Variants in HSPG2 observed in about 807,000 individuals in gnomAD.
HSPG2 encodes the protein basement membrane-specific heparan sulfate proteoglycan core protein.
In HSPG2, 278 loss-of-function variants were observed where a neutral mutation model predicts 526.6. The observed-to-expected ratio is 0.53, with a 90% CI of 0.48 to 0.58. The LOEUF (loss-of-function observed/expected upper bound fraction) is 0.58, where lower values mean the gene tolerates loss of function less well. Among genes scored for constraint, HSPG2 ranks in the 20% least tolerant of loss-of-function variants. The pLI is 0.00. For missense variants in HSPG2, 5,354 were observed against 6,099.5 expected, an observed-to-expected ratio of 0.88 and a Z score of 4.07; for synonymous variants, 2,465 against 2,555.4, an observed-to-expected ratio of 0.96 and a Z score of 1.07.
intron 66 of HSPG2, 139 bp from the exon 67 acceptor site, chr1:21,843,060 G>A: frequency 9.2e-7 from 1 of 1,088,686 alleles, no homozygotes; most frequent in South Asian, 1.4e-5. Context: ...CCTAAGAAGG[G>A]TCTCCTTTCC....
chr1:21,905,167 C>A (rs1441806181), intron 1 of HSPG2, among the ~76,000 whole-genome samples: 1 of 120,782 alleles, frequency 8.3e-6, no homozygotes, highest in African/African-American at 4.4e-5. Context: ...CACCCACCAC[C>A]CACCCACACA....
In HSPG2 at chr1:21,880,179, G is replaced by A. The variant is rs1641383304; in HGVS notation, c.2271C>T (p.Tyr757=). The A allele has an allele frequency of 8.7e-6, 14 of 1,614,156 alleles. No individual in the cohort carries two copies. In the East Asian group the frequency reaches 3.1e-4, roughly 36 times the overall value. The change falls in exon 17 of 97, where the codon TAC becomes TAT. Residue 757 remains tyrosine (Y), a synonymous_variant. Transcript: ENST00000374695. The part of the protein sequence containing the change: ...AHFTRVPGGP[Y]LGTCSGCNCN... ...AATTGCAACCAGAGCAGGTGCCCAG[G>A]TAGGGCCCACCAGGCACCCGAGTGA...
intron 69 of HSPG2, 97 bp from the exon 70 acceptor site, chr1:21,841,770 C>G: frequency 6.7e-7 from 1 of 1,503,636 alleles, no homozygotes. Flanking sequence ...CTTCCCCAAT[C>G]CCTCCGGCCT....
At chr1:21,923,892 A>G (rs1040696986) in intron 1 of HSPG2, among the ~76,000 whole-genome samples, 1 of 152,256 alleles carries the variant, frequency 6.6e-6, no homozygotes, top group Non-Finnish European at 1.5e-5. Context: ...GGGAAAATTA[A>G]GCTCAAAGAA....
chr1:21,865,434 A>T lies in HSPG2; in HGVS notation c.4315-69T>A, dbSNP rs114800104. 5.8e-4 allele frequency: 819 copies of T among 1,416,810 alleles called. 4 individuals carry two copies. The African/African-American group carries it at 0.011, about 19-fold the overall frequency. The allele number at this position is 1,416,810 out of a possible 1,614,324, so 87.8% of individuals were successfully genotyped here. ...CTGGGGTGCCAGGGTGTCCTCCACCAGTCCTAGATTCTCTGTAACCCCCAG... is the reference window on the plus strand; with the variant it reads ...CTGGGGTGCCAGGGTGTCCTCCACCTGTCCTAGATTCTCTGTAACCCCCAG... On this transcript the variant is annotated intron_variant, in intron 34 of 96. Transcript: ENST00000374695. This position sits in a 1 kb window ranked among gnomAD's most constrained non-coding sequence, Gnocchi z 5.4.
rs1162899719 is a variant in HSPG2 at position 21,846,249 on chromosome 1, C to T, written c.8323G>A (p.Gly2775Ser). Residue 2775 changes from glycine (G) to serine (S), a missense_variant, in exon 64 of 97, where the codon GGC becomes AGC. Physicochemically the swap from Gly to Ser is moderately conservative, Grantham distance 56. Coordinates refer to ENST00000374695, the MANE Select transcript of HSPG2 (RefSeq NM_005529.7). ...ACATGGTGCAGCCGCAGCCGTGAGCCGCGGGTCTGAATAGGGGACAGGACA... is the reference window on the plus strand; with the variant it reads ...ACATGGTGCAGCCGCAGCCGTGAGCTGCGGGTCTGAATAGGGGACAGGACA... Reference protein sequence around the residue: ...GSLPSHHQTRGSRLRLHHVSP... With the variant: ...GSLPSHHQTRSSRLRLHHVSP... The T allele has an allele frequency of 5.0e-6, 8 of 1,612,944 alleles. No homozygotes were observed. Among genetic ancestry groups the T allele is most frequent in the African/African-American group, 2.7e-5 (2 of 74,930 alleles).
At position 21,882,400 on chromosome 1, in the gene HSPG2, TACACACACACAC is replaced by T. The variant is rs56357321; in HGVS notation, c.1655-910_1655-899del. On this transcript the variant is annotated intron_variant, in intron 13 of 96. Coordinates refer to ENST00000374695, the MANE Select transcript of HSPG2 (RefSeq NM_005529.7). ...TCGTCTAGTCCAACCCTCTTCTATG[TACACACACACAC>T]ACACACACACACACACACACACACA... Among the ~76,000 whole-genome samples the T allele has an allele frequency of 6.1e-3, 878 of 142,772 alleles. 5 individuals carry two copies. The highest frequency in any genetic ancestry group is 0.02 in the African/African-American group (785 of 38,404). The allele number at this position is 142,772 out of a possible 152,430, so 93.7% of individuals were successfully genotyped here.
intron 33 of HSPG2, chr1:21,870,188 C>G: frequency 2.1e-6 from 2 of 955,630 alleles, no homozygotes; most frequent in Non-Finnish European, 2.5e-6. Flanking sequence ...TAGGTACAAC[C>G]TGTCCTAGCC....
intron 71 of HSPG2, among the ~76,000 whole-genome samples, chr1:21,840,369 G>A (rs972466137): frequency 6.6e-6 from 1 of 152,194 alleles, no homozygotes; most frequent in East Asian, 1.9e-4. Context: ...GCTGTGGCAC[G>A]ATCTCTGCTC....
intron 1 of HSPG2, among the ~76,000 whole-genome samples, chr1:21,897,506 C>T (rs1642836102): frequency 6.6e-6 from 1 of 152,170 alleles, no homozygotes; most frequent in Non-Finnish European, 1.5e-5. Flanking sequence ...GGGCCCTCTG[C>T]TGGAATGCCC....
In HSPG2 at chr1:21,874,908, G is replaced by C; in HGVS notation, c.3397C>G (p.Arg1133Gly). ...GGACTCACCTGGCAGGACGGCCCAC[G>C]GTACCCGGGTGGGCAGGAGCACTGT... ...VEQCSCPPGY[R>G]GPSCQDCDTG... Residue 1133 changes from arginine (R) to glycine (G), a missense_variant, in exon 26 of 97, where the codon CGT becomes GGT. By Grantham distance (125) the Arg-to-Gly change is moderately radical (BLOSUM62 -2). Coordinates refer to ENST00000374695, the MANE Select transcript of HSPG2 (RefSeq NM_005529.7). 6.2e-7 allele frequency: 1 copy of C among 1,612,080 alleles called. No individual in the cohort carries two copies. Among genetic ancestry groups the C allele is most frequent in the Non-Finnish European group, 8.5e-7 (1 of 1,179,112 alleles).
At position 21,872,681 on chromosome 1, in the gene HSPG2, A is replaced by AGGCAG; in HGVS notation, c.3963_3967dup (p.Leu1323ProfsTer23). The AGGCAG allele has an allele frequency of 6.2e-7, 1 of 1,606,182 alleles. No individual in the cohort carries two copies. The highest frequency in any genetic ancestry group is 8.5e-7 in the Non-Finnish European group (1 of 1,177,364). On this transcript the variant is annotated frameshift_variant, in exon 32 of 97. Transcript: ENST00000374695. LOFTEE classifies it high-confidence loss of function. This position sits in a 1 kb window ranked among gnomAD's most constrained non-coding sequence, Gnocchi z 5.5. ...GGTGATGCCCATACAGAAGCAGGGCAGGCAGCCGTCTGGGTTGCTGGCACT... is the reference window on the plus strand; with the variant it reads ...GGTGATGCCCATACAGAAGCAGGGCAGGCAGGGCAGCCGTCTGGGTTGCTGGCACT...
In HSPG2 at chr1:21,832,486, G is replaced by A. The variant is rs2098008798; in HGVS notation, c.11207+9C>T. ...GTCCCCCTGTAGGTGGGGAGGCTGG[G>A]GGTCTCACCGGAACTCGGGCCTTCC... On this transcript the variant is annotated intron_variant, in intron 81 of 96. Coordinates refer to ENST00000374695, the MANE Select transcript of HSPG2 (RefSeq NM_005529.7). The A allele has an allele frequency of 5.0e-6, 8 of 1,609,920 alleles. No individual in the cohort carries two copies. The highest frequency in any genetic ancestry group is 1.3e-5 in the African/African-American group (1 of 74,860).
At position 21,847,598 on chromosome 1, in the gene HSPG2, A is replaced by T; in HGVS notation, c.8025+91T>A. The T allele has an allele frequency of 6.2e-7, 1 of 1,605,738 alleles. No homozygotes were observed. Among genetic ancestry groups the T allele is most frequent in the Non-Finnish European group, 8.5e-7 (1 of 1,174,614 alleles). On this transcript the variant is annotated intron_variant, in intron 61 of 96. Coordinates refer to ENST00000374695, the MANE Select transcript of HSPG2 (RefSeq NM_005529.7). This position sits in a 1 kb window ranked among gnomAD's most constrained non-coding sequence, Gnocchi z 4.1. ...AGCCTGTTGAGGCTGCTATCGGTCT[A>T]CCCAGGGCCCAATCCGTGAGACAGG...
intron 20 of HSPG2, 58 bp from the exon 21 acceptor site, chr1:21,878,311 G>C (rs1310960591): frequency 6.3e-7 from 1 of 1,592,512 alleles, no homozygotes; most frequent in South Asian, 1.1e-5. Context: ...CGTGGTCCGG[G>C]CAGATAGAGG....
chr1:21,892,747 A>G (rs1196656128), intron 3 of HSPG2, among the ~76,000 whole-genome samples: 1 of 151,240 alleles, frequency 6.6e-6, no homozygotes, highest in Non-Finnish European at 1.5e-5. Flanking sequence ...AATCCCAGCT[A>G]CTCGGGAGGC....
chr1:21,830,573 C>G, intron 85 of HSPG2: 1 of 284,162 alleles, frequency 3.5e-6, no homozygotes, highest in South Asian at 4.3e-5. Flanking sequence ...ACTTGTATTC[C>G]CAGCTACTCA....
intron 64 of HSPG2, among the ~76,000 whole-genome samples, chr1:21,845,107 G>A (rs1036283058): frequency 3.9e-5 from 6 of 152,122 alleles, no homozygotes; most frequent in East Asian, 1.9e-4. Flanking sequence ...TTAGCTGGGC[G>A]TGGTGGAGCA....
intron 1 of HSPG2, among the ~76,000 whole-genome samples, chr1:21,901,304 C>T (rs1400351112): frequency 6.6e-6 from 1 of 151,954 alleles, no homozygotes; most frequent in African/African-American, 2.4e-5. Context: ...ATTACTTATA[C>T]AGTAAGTGCT....
Sources: allele counts gnomAD v4.1 joint callset (sites outside exome capture counted in the v4.1 genomes callset), GRCh38; gene constraint gnomAD v4.1.1; non-coding constraint Gnocchi (gnomAD v3.1); transcripts MANE v1.5; gene names NCBI Gene and HGNC (gene_info 2026-07-23, HGNC 2026-07-21).